The following CACNA1B variants were observed in gnomAD, a reference collection of about 807,000 sequenced individuals.
The protein encoded by CACNA1B is calcium voltage-gated channel subunit alpha1 B.
CACNA1B carries 70 observed loss-of-function variants against 247.2 expected under a neutral mutation model. The ratio of observed to expected loss-of-function variants is 0.28; its 90% CI spans 0.23 to 0.35. The LOEUF (loss-of-function observed/expected upper bound fraction) is 0.35. Among genes scored for constraint, CACNA1B ranks in the 10% least tolerant of loss-of-function variants. The probability of loss-of-function intolerance (pLI) is 1.00; values close to 1 mark genes in which losing one functional copy is unlikely to be tolerated. For synonymous variants in CACNA1B, 1,231 were observed against 1,294.4 expected (o/e 0.95, Z 1.05); for missense variants, 2,367 against 3,197.4 (o/e 0.74, Z 6.26).
intron 3 of CACNA1B, among the ~76,000 whole-genome samples, chr9:137,912,103 G>A (rs1957365794): frequency 6.6e-6 from 1 of 152,168 alleles, no homozygotes; most frequent in Non-Finnish European, 1.5e-5. Context: ...TGTTTCATAT[G>A]CTTTTTAAAA....
rs1380359804 is a variant in CACNA1B at position 138,010,905 on chromosome 9, A to G, written c.2160+828A>G. 6.6e-6 allele frequency among the ~76,000 whole-genome samples: 1 copy of G among 152,106 alleles called. No individual in the cohort carries two copies. Among genetic ancestry groups the G allele is most frequent in the Non-Finnish European group, 1.5e-5 (1 of 68,002 alleles). On this transcript the variant is annotated intron_variant, in intron 17 of 46. Coordinates refer to ENST00000371372, the MANE Select transcript of CACNA1B (RefSeq NM_000718.4). The surrounding 1 kb of genome is among the most constrained non-coding windows in gnomAD (Gnocchi z 5.3). ...GGATTTCTGTCCATGGGCAGCAGAG[A>G]TGCAGGTGTGCCACAGAGCTTCTCC...
intron 34 of CACNA1B, among the ~76,000 whole-genome samples, chr9:138,075,072 T>A (rs769614746): frequency 6.6e-6 from 1 of 152,218 alleles, no homozygotes; most frequent in Non-Finnish European, 1.5e-5. Context: ...TCTGACCACT[T>A]TTCCAACAGC....
intron 35 of CACNA1B, among the ~76,000 whole-genome samples, chr9:138,077,271 T>C (rs1960359255): frequency 1.3e-5 from 2 of 152,150 alleles, no homozygotes; most frequent in Non-Finnish European, 2.9e-5. Flanking sequence ...GACCCACTTG[T>C]ACCCTGCAAG....
At chr9:138,046,872 G>A in intron 21 of CACNA1B, 32 bp from the exon 22 acceptor site, 2 of 1,600,968 alleles carry the variant, frequency 1.2e-6, no homozygotes, top group South Asian at 1.1e-5. Context: ...CCGGCTGGGG[G>A]GCCTTGTGGT....
Position 138,074,054 on chromosome 9 carries a change from C to T in CACNA1B, c.4845C>T (p.Ile1615=), listed in dbSNP as rs1394804292. The change falls in exon 34 of 47, where the codon ATC becomes ATT. Residue 1615 remains isoleucine, a synonymous_variant. Coordinates refer to ENST00000371372, the MANE Select transcript of CACNA1B (RefSeq NM_000718.4). ...LIAMLFFIYA[I]IGMQVFGNIA... is the part of the protein sequence containing the mutation. The stretch of plus-strand genomic sequence containing the variant: ...CCATGCTGTTCTTCATCTACGCCAT[C>T]ATCGGCATGCAGGTGGGTGCTCCCC... 6.2e-7 allele frequency: 1 copy of T among 1,612,494 alleles called. No individual in the cohort carries two copies. Among genetic ancestry groups the T allele is most frequent in the East Asian group, 2.2e-5 (1 of 44,870 alleles).
chr9:137,923,545 G>A (rs1409755658), intron 6 of CACNA1B, among the ~76,000 whole-genome samples: 2 of 151,702 alleles, frequency 1.3e-5, no homozygotes, highest in African/African-American at 4.9e-5. Context: ...CCGTGCTATG[G>A]CTGTACCATG....
intron 3 of CACNA1B, among the ~76,000 whole-genome samples, chr9:137,902,341 G>A (rs1472180112): frequency 6.6e-6 from 1 of 152,092 alleles, no homozygotes; most frequent in East Asian, 1.9e-4. Flanking sequence ...CTGGCTCCTA[G>A]CCCCTCCCCA....
At chr9:137,992,746 G>A (rs542824078) in intron 15 of CACNA1B, among the ~76,000 whole-genome samples, 7 of 149,858 alleles carry the variant, frequency 4.7e-5, no homozygotes, top group Non-Finnish European at 7.4e-5. Context: ...GCAGTGAGCC[G>A]AGATCCGGCC....
intron 31 of CACNA1B, among the ~76,000 whole-genome samples, chr9:138,062,049 G>A (rs1959744129): frequency 6.6e-6 from 1 of 152,190 alleles, no homozygotes; most frequent in Admixed American, 6.5e-5. Flanking sequence ...GCCCCATGGT[G>A]AGCATTGGTT....
chr9:138,055,850 C>T (rs762989956), intron 26 of CACNA1B, among the ~76,000 whole-genome samples: 48 of 152,056 alleles, frequency 3.2e-4, no homozygotes, highest in Non-Finnish European at 5.9e-4. Context: ...AATAGTGAAA[C>T]CCTGTCTCTA....
intron 6 of CACNA1B, among the ~76,000 whole-genome samples, chr9:137,935,827 T>C (rs1342219113): frequency 1.3e-5 from 2 of 151,756 alleles, no homozygotes; most frequent in African/African-American, 4.8e-5. Flanking sequence ...CAGGCTGGAG[T>C]ACAGTGGCAT....
intron 13 of CACNA1B, among the ~76,000 whole-genome samples, chr9:137,985,058 C>T (rs1009843324): frequency 6.6e-6 from 1 of 152,194 alleles, no homozygotes; most frequent in Admixed American, 6.5e-5. Context: ...GGTGTGTGTC[C>T]TTGGCAGCTG....
chr9:137,940,083 C>G (rs543980835), intron 6 of CACNA1B, among the ~76,000 whole-genome samples: 2 of 151,730 alleles, frequency 1.3e-5, no homozygotes, highest in Non-Finnish European at 2.9e-5. Context: ...CAGAGCAGAA[C>G]TAAATGAAAC....
In CACNA1B at chr9:137,956,828, G is replaced by A; in HGVS notation, c.1243+1G>A. 1 of 1,613,084 alleles carries A rather than the reference G, an allele frequency of 6.2e-7. No individual in the cohort carries two copies. Among genetic ancestry groups the A allele is most frequent in the Non-Finnish European group, 8.5e-7 (1 of 1,179,170 alleles). ...GCAGAGGAGAAGTCCCCTTTGGACG[G>A]TAGGTGGCACTTGCTGGTACTCCTG... On this transcript the variant is annotated splice_donor_variant, in intron 9 of 46. Coordinates refer to ENST00000371372, the MANE Select transcript of CACNA1B (RefSeq NM_000718.4). LOFTEE classifies it high-confidence loss of function.
At chr9:137,909,178 C>T (rs757116221) in intron 3 of CACNA1B, among the ~76,000 whole-genome samples, 4 of 151,836 alleles carry the variant, frequency 2.6e-5, no homozygotes, top group Non-Finnish European at 4.4e-5. Context: ...TTAGTAGAGA[C>T]GGGGTTTCTC....
At chr9:137,907,957 C>T (rs566764328) in intron 3 of CACNA1B, among the ~76,000 whole-genome samples, 38 of 152,254 alleles carry the variant, frequency 2.5e-4, no homozygotes, top group African/African-American at 6.7e-4. Context: ...TGATTTGGAA[C>T]GGCGCCACCG....
In CACNA1B at chr9:137,973,692, G is replaced by T. The variant is rs540582159; in HGVS notation, c.1543+2100G>T. Among the ~76,000 whole-genome samples, 1 of 152,236 alleles carries T rather than the reference G, an allele frequency of 6.6e-6. No homozygotes were observed. Among genetic ancestry groups the T allele is most frequent in the South Asian group, 2.1e-4 (1 of 4,818 alleles). ...AAGGGTGAACTCTGTCCCCATGCTG[G>T]CTCAAAACAGCACCAGTGCCTGCTG... On this transcript the variant is annotated intron_variant, in intron 11 of 46. Transcript: ENST00000371372. This position sits in a 1 kb window ranked among gnomAD's most constrained non-coding sequence, Gnocchi z 4.1.
In CACNA1B at chr9:137,879,037, G is replaced by C. The variant is rs1426211476; in HGVS notation, c.285-17G>C. 1 of 1,573,214 alleles carries C rather than the reference G, an allele frequency of 6.4e-7. No individual in the cohort carries two copies. Among genetic ancestry groups the C allele is most frequent in the East Asian group, 2.3e-5 (1 of 44,322 alleles). On this transcript the variant is annotated splice_polypyrimidine_tract_variant and intron_variant, in intron 1 of 46. Coordinates refer to ENST00000371372, the MANE Select transcript of CACNA1B (RefSeq NM_000718.4). ...CCCTCCGTGCGGCGTCTGCCGGCCAGTCCTTAACTCACGCACTCCATTCGA... is the reference window on the plus strand; with the variant it reads ...CCCTCCGTGCGGCGTCTGCCGGCCACTCCTTAACTCACGCACTCCATTCGA...
intron 39 of CACNA1B, among the ~76,000 whole-genome samples, chr9:138,107,225 T>TATTC (rs1439884952): frequency 4.5e-5 from 4 of 89,604 alleles, no homozygotes; most frequent in African/African-American, 2.1e-4. Context: ...TTATTTTATT[T>TATTC]ATTTATTTAT....
Sources: allele counts gnomAD v4.1 joint callset (sites outside exome capture counted in the v4.1 genomes callset), GRCh38; gene constraint gnomAD v4.1.1; non-coding constraint Gnocchi (gnomAD v3.1); transcripts MANE v1.5; gene names NCBI Gene and HGNC (gene_info 2026-07-23, HGNC 2026-07-21).